KCNJ10: variants seen among roughly 807,000 people sequenced by gnomAD.
KCNJ10 encodes potassium inwardly rectifying channel subfamily J member 10, also known as ATP-sensitive inward rectifier potassium channel 10.
KCNJ10 carries 9 observed loss-of-function variants against 22.2 expected under a neutral mutation model. The observed-to-expected ratio is 0.40, with a 90% CI of 0.24 to 0.71. The LOEUF (loss-of-function observed/expected upper bound fraction) is 0.71, where lower values mean the gene tolerates loss of function less well. Ranked by LOEUF, KCNJ10 falls within the 30% of genes least tolerant of loss-of-function variation. The pLI is 0.35. For missense variants in KCNJ10, 337 were observed against 482.7 expected, an observed-to-expected ratio of 0.70 and a Z score of 2.83; for synonymous variants, 184 against 187.3, an observed-to-expected ratio of 0.98 and a Z score of 0.15.
chr1:160,062,538 T>A (rs1649228611), intron 1 of KCNJ10: 1 of 152,176 alleles, frequency 6.6e-6, no homozygotes, highest in Admixed American at 6.5e-5. Flanking sequence ...CTGGGGGCAC[T>A]GCCCAGGAGA....
chr1:160,042,027 A>G lies in KCNJ10; in HGVS notation c.506T>C (p.Ile169Thr), dbSNP rs777546233. The change falls in exon 2 of 2, where the codon ATT (isoleucine) becomes ACT (threonine). Residue 169 changes from isoleucine (I) to threonine (T), a missense_variant. Physicochemically the swap from Ile to Thr is moderately conservative, Grantham distance 89. Around this residue, in one of 3 missense-constraint regions of KCNJ10, gnomAD observed 165 missense variants for 281.5 expected, o/e 0.59. Transcript: ENST00000644903. ...CTCAGCCCGCTTCTTGGGCCGGGCA[A>G]TCTTCGCCAGGAAGGTACCTGTGAT... ...IFITGTFLAK[I>T]ARPKKRAETI... is the part of the protein sequence containing the mutation. 9 of 1,562,092 alleles carry G rather than the reference A, an allele frequency of 5.8e-6. No individual in the cohort carries two copies. The highest frequency in any genetic ancestry group is 4.1e-5 in the African/African-American group (3 of 73,674).
In KCNJ10 at chr1:160,041,629, G is replaced by T; in HGVS notation, c.904C>A (p.Pro302Thr). Residue 302 changes from proline (P) to threonine (T), a missense_variant, in exon 2 of 2, where the codon CCA becomes ACA. By Grantham distance (38) the Pro-to-Thr change is conservative. Coordinates refer to ENST00000644903, the MANE Select transcript of KCNJ10 (RefSeq NM_002241.5). The surrounding 1 kb of genome is among the most constrained non-coding windows in gnomAD (Gnocchi z 4.4). ...TCGTAGCCCCAAAGGATCTCCTCTG[G>T]CAGGTAGGAAGTGCGCACCTGACAG... is the stretch of plus-strand genomic sequence containing the variant. ...ATCQVRTSYL[P>T]EEILWGYEFT... The T allele has an allele frequency of 6.2e-7, 1 of 1,614,154 alleles. No homozygotes were observed. Among genetic ancestry groups the T allele is most frequent in the Non-Finnish European group, 8.5e-7 (1 of 1,180,004 alleles).
chr1:160,069,427 A>G (rs1649400095), intron 1 of KCNJ10, among the ~76,000 whole-genome samples: 1 of 152,158 alleles, frequency 6.6e-6, no homozygotes, highest in African/African-American at 2.4e-5. Flanking sequence ...GGTGAGGGTG[A>G]GGGGCCATGA....
chr1:160,058,687 A>G (rs892442681), intron 1 of KCNJ10, among the ~76,000 whole-genome samples: 4 of 152,080 alleles, frequency 2.6e-5, no homozygotes, highest in African/African-American at 9.7e-5. Flanking sequence ...AGTCCCTAGA[A>G]TTACTGGTGG....
chr1:160,049,177 A>G (rs906611713), intron 1 of KCNJ10, among the ~76,000 whole-genome samples: 1 of 152,030 alleles, frequency 6.6e-6, no homozygotes, highest in African/African-American at 2.4e-5. Flanking sequence ...ATTTTACTAT[A>G]ATTGTCTTAG....
intron 1 of KCNJ10, among the ~76,000 whole-genome samples, chr1:160,059,712 A>T (rs1475040184): frequency 1.3e-5 from 2 of 152,214 alleles, no homozygotes; most frequent in Admixed American, 6.5e-5. Flanking sequence ...TGTGGAAATG[A>T]TCAAGGGATT....
chr1:160,051,915 A>G (rs1242824187), intron 1 of KCNJ10, among the ~76,000 whole-genome samples: 1 of 151,936 alleles, frequency 6.6e-6, no homozygotes, highest in East Asian at 1.9e-4. Context: ...TGTATTGCCT[A>G]CACATCTCTC....
chr1:160,060,874 A>T (rs1032277077), intron 1 of KCNJ10, among the ~76,000 whole-genome samples: 2 of 152,178 alleles, frequency 1.3e-5, no homozygotes, highest in Non-Finnish European at 2.9e-5. Context: ...ATTGATAGAG[A>T]TCCCCAACTC....
chr1:160,051,673 G>GGGA (rs1648908285), intron 1 of KCNJ10, among the ~76,000 whole-genome samples: 1 of 151,760 alleles, frequency 6.6e-6, no homozygotes, highest in African/African-American at 2.4e-5. Flanking sequence ...TGCCCAGGAT[G>GGGA]TATCCAAGGG....
rs571303704 is a variant in KCNJ10, at chr1:160,061,415, C to T, written c.-1+8607G>A. ...GACGGACACACTGGACCTGTGCCAG[C>T]GAGGCCAGGTGGGGCTTTAGTTATT... On this transcript the variant is annotated intron_variant, in intron 1 of 1. Coordinates refer to ENST00000644903, the MANE Select transcript of KCNJ10 (RefSeq NM_002241.5). Among the ~76,000 whole-genome samples, 7 of 152,130 alleles carry T rather than the reference C, an allele frequency of 4.6e-5. No homozygotes were observed. The East Asian group carries it at 5.8e-4, about 13-fold the overall frequency.
chr1:160,039,630 G>A lies in KCNJ10; in HGVS notation c.*1763C>T, dbSNP rs894885843. 3.9e-5 allele frequency: 6 copies of A among 152,146 alleles called. No individual in the cohort carries two copies. The highest frequency in any genetic ancestry group is 9.7e-5 in the African/African-American group (4 of 41,438). The allele number at this position is 152,146 out of a possible 1,614,324, so 9.4% of individuals were successfully genotyped here. ...GAAGGGTCTTTGTTTTCAAGATATA[G>A]TTAGTTGAGTTCGAGGAGAGATCAA... On this transcript the variant is annotated 3_prime_UTR_variant, in exon 2 of 2. Coordinates refer to ENST00000644903, the MANE Select transcript of KCNJ10 (RefSeq NM_002241.5).
At chr1:160,043,179 A>G (rs1458764142) in intron 1 of KCNJ10, among the ~76,000 whole-genome samples, 2 of 151,774 alleles carry the variant, frequency 1.3e-5, no homozygotes, top group South Asian at 2.1e-4. Context: ...GAAGAGCTCT[A>G]ATTTTGAAAT....
chr1:160,043,239 C>T (rs1006982427), intron 1 of KCNJ10, among the ~76,000 whole-genome samples: 1 of 147,800 alleles, frequency 6.8e-6, no homozygotes, highest in Non-Finnish European at 1.5e-5. Flanking sequence ...ACAAGCTATC[C>T]TGTTGAAATC....
At chr1:160,065,558 C>T (rs1373759301) in intron 1 of KCNJ10, among the ~76,000 whole-genome samples, 1 of 152,112 alleles carries the variant, frequency 6.6e-6, no homozygotes, top group Non-Finnish European at 1.5e-5. Flanking sequence ...GAGAGGGAAA[C>T]AGGAGAATAG....
chr1:160,053,565 G>A (rs1648953729), intron 1 of KCNJ10, among the ~76,000 whole-genome samples: 1 of 151,750 alleles, frequency 6.6e-6, no homozygotes, highest in Non-Finnish European at 1.5e-5. Context: ...AATAGAAATG[G>A]AGCCAGATGC....
rs1029008777 is a variant in KCNJ10, at chr1:160,039,749, T to C, written c.*1644A>G. The stretch of plus-strand genomic sequence containing the variant: ...CTGCAAGGCTCTGTACATAGATGCA[T>C]GTATATATTCTGTAGCTTGTAACAA... On this transcript the variant is annotated 3_prime_UTR_variant, in exon 2 of 2. Coordinates refer to ENST00000644903, the MANE Select transcript of KCNJ10 (RefSeq NM_002241.5). The C allele has an allele frequency of 2.6e-5, 4 of 152,246 alleles. No homozygotes were observed. The highest frequency in any genetic ancestry group is 6.5e-5 in the Admixed American group (1 of 15,292). The allele number at this position is 152,246 out of a possible 1,614,324, so 9.4% of individuals were successfully genotyped here. A position where few individuals can be genotyped will look rare whatever the true frequency, so the allele number is the denominator to read the frequency against.
chr1:160,050,030 T>C (rs1648864241), intron 1 of KCNJ10, among the ~76,000 whole-genome samples: 1 of 152,096 alleles, frequency 6.6e-6, no homozygotes, highest in Non-Finnish European at 1.5e-5. Context: ...GATAACTAAT[T>C]ATCAACACTA....
intron 1 of KCNJ10, among the ~76,000 whole-genome samples, chr1:160,046,475 G>T (rs1648742752): frequency 1.3e-5 from 2 of 152,134 alleles, no homozygotes; most frequent in South Asian, 4.1e-4. Flanking sequence ...CTCAGCAGGT[G>T]CCACTATGGT....
Position 160,050,867 on chromosome 1 carries a change from C to T in KCNJ10, c.1-8335G>A, listed in dbSNP as rs189311204. Among the ~76,000 whole-genome samples, 189 of 152,156 alleles carry T rather than the reference C, an allele frequency of 1.2e-3. 1 individual carries two copies. Among genetic ancestry groups the T allele is most frequent in the African/African-American group, 4.2e-3 (175 of 41,510 alleles). On this transcript the variant is annotated intron_variant, in intron 1 of 1. Transcript: ENST00000644903. ...GCCAGCTGCAGGGCCAGGGTCAGGC[C>T]CTGCAGCTCCTGCAAGGGTCAGGTA... is the stretch of plus-strand genomic sequence containing the variant.
Sources: gnomAD v4.1 joint callset for allele counts (sites outside exome capture counted in the v4.1 genomes callset) on GRCh38, gnomAD v4.1.1 for gene constraint, gnomAD v4.1.1 regional missense constraint, Gnocchi (gnomAD v3.1) non-coding constraint, MANE v1.5 for transcripts, NCBI Gene and HGNC (gene_info 2026-07-23, HGNC 2026-07-21) for gene names.